HDAC9: variants seen among roughly 807,000 people sequenced by gnomAD.
HDAC9 encodes histone deacetylase 9.
A neutral mutation model predicts 139.4 loss-of-function variants in HDAC9; 41 were observed. The observed-to-expected ratio is 0.29, with a 90% CI of 0.23 to 0.38. The LOEUF (loss-of-function observed/expected upper bound fraction) is 0.38, where lower values mean the gene tolerates loss of function less well. HDAC9 is among the 10% of genes least tolerant of loss of function. The pLI is 1.00. For synonymous variants in HDAC9, 517 were observed against 476.2 expected (o/e 1.09, Z -1.12); for missense variants, 1,147 against 1,297.0 (o/e 0.88, Z 1.78).
intron 1 of HDAC9, among the ~76,000 whole-genome samples, chr7:18,146,034 T>C (rs1786295646): frequency 6.6e-6 from 1 of 152,108 alleles, no homozygotes; most frequent in East Asian, 1.9e-4. Context: ...AGAGTCTTCA[T>C]GCTGATTGGT....
intron 2 of HDAC9, among the ~76,000 whole-genome samples, chr7:18,189,952 C>T (rs987637971): frequency 3.4e-5 from 5 of 147,262 alleles, no homozygotes; most frequent in South Asian, 2.1e-4. Context: ...TGTGTGTGTA[C>T]GTTTGAGACA....
At chr7:18,982,699 G>A (rs973620831) in intron 25 of HDAC9, among the ~76,000 whole-genome samples, 1 of 152,068 alleles carries the variant, frequency 6.6e-6, no homozygotes, top group Admixed American at 6.6e-5. Flanking sequence ...ATGTTTGCCT[G>A]CTCTTGAATT....
At chr7:18,835,335 A>G (rs1796158153) in intron 19 of HDAC9, 132 bp from the exon 20 acceptor site, 4 of 995,894 alleles carry the variant, frequency 4.0e-6, no homozygotes, top group Non-Finnish European at 5.7e-6. Flanking sequence ...GAGAAAGAAA[A>G]GAGGAACGTA....
intron 2 of HDAC9, among the ~76,000 whole-genome samples, chr7:18,577,146 G>A (rs1826226995): frequency 1.3e-5 from 2 of 152,110 alleles, no homozygotes; most frequent in Admixed American, 6.5e-5. Flanking sequence ...GATTTTGTAA[G>A]GGAATAAACT....
At chr7:18,994,292 T>TATTA (rs1205568198) in intron 25 of HDAC9, among the ~76,000 whole-genome samples, 2 of 152,348 alleles carry the variant, frequency 1.3e-5, no homozygotes, top group African/African-American at 4.8e-5. Context: ...TCTATAACTG[T>TATTA]ATTATTCACA....
At chr7:18,787,973 G>C (rs1413244708) in intron 16 of HDAC9, among the ~76,000 whole-genome samples, 1 of 152,168 alleles carries the variant, frequency 6.6e-6, no homozygotes, top group African/African-American at 2.4e-5. Flanking sequence ...TAGCCTCTCA[G>C]ATTCCTCTTT....
chr7:18,609,949 G>T (rs575157817), intron 6 of HDAC9, among the ~76,000 whole-genome samples: 1 of 152,092 alleles, frequency 6.6e-6, no homozygotes, highest in South Asian at 2.1e-4. Flanking sequence ...CCCTACAAAG[G>T]ACATGAACTC....
intron 2 of HDAC9, among the ~76,000 whole-genome samples, chr7:18,164,730 A>G (rs1323199164): frequency 6.6e-6 from 1 of 152,228 alleles, no homozygotes; most frequent in Non-Finnish European, 1.5e-5. Flanking sequence ...CATTCAGTCA[A>G]ACAATAAGTG....
chr7:18,430,322 G>A (rs186197426), intron 1 of HDAC9, among the ~76,000 whole-genome samples: 15 of 152,222 alleles, frequency 9.9e-5, no homozygotes, highest in East Asian at 7.7e-4. Flanking sequence ...CTCCTGGGCC[G>A]AAGTGATCCT....
At chr7:18,958,483 G>A (rs1783311885) in intron 24 of HDAC9, among the ~76,000 whole-genome samples, 1 of 152,150 alleles carries the variant, frequency 6.6e-6, no homozygotes, top group Non-Finnish European at 1.5e-5. Flanking sequence ...ATCAGTGGAT[G>A]AGTGGGCAAA....
chr7:18,805,250 G>T (rs1253658722), intron 17 of HDAC9, among the ~76,000 whole-genome samples: 2 of 152,184 alleles, frequency 1.3e-5, no homozygotes, highest in South Asian at 2.1e-4. Flanking sequence ...TAGCTTTTCA[G>T]TCTTTAACTT....
intron 25 of HDAC9, among the ~76,000 whole-genome samples, chr7:18,990,969 G>T (rs374357932): frequency 2.0e-5 from 3 of 152,324 alleles, no homozygotes; most frequent in Non-Finnish European, 4.4e-5. Flanking sequence ...AGATGAACCC[G>T]GTACCTCAGA....
intron 2 of HDAC9, among the ~76,000 whole-genome samples, chr7:18,264,448 A>G (rs1179953295): frequency 6.6e-6 from 1 of 152,190 alleles, no homozygotes; most frequent in African/African-American, 2.4e-5. Context: ...AGCAGGGTAA[A>G]CATACATGTA....
At chr7:18,396,336 C>T (rs1787056222) in intron 1 of HDAC9, among the ~76,000 whole-genome samples, 1 of 152,022 alleles carries the variant, frequency 6.6e-6, no homozygotes, top group Non-Finnish European at 1.5e-5. Context: ...AAGATGATTA[C>T]AGAAATGAAA....
intron 2 of HDAC9, among the ~76,000 whole-genome samples, chr7:18,584,351 A>G (rs1828802295): frequency 6.6e-6 from 1 of 151,682 alleles, no homozygotes; most frequent in African/African-American, 2.4e-5. Flanking sequence ...GATGGTCTCG[A>G]TCTCCTGACC....
intron 1 of HDAC9, among the ~76,000 whole-genome samples, chr7:18,157,168 G>C (rs1027852400): frequency 6.6e-6 from 1 of 152,184 alleles, no homozygotes; most frequent in Non-Finnish European, 1.5e-5. Context: ...GCATGGACAC[G>C]CGAATGATAC....
At chr7:18,558,983 G>A (rs757001817) in intron 2 of HDAC9, among the ~76,000 whole-genome samples, 7 of 152,132 alleles carry the variant, frequency 4.6e-5, no homozygotes, top group Non-Finnish European at 7.4e-5. Flanking sequence ...GGTAAGGCAG[G>A]GAAATGCCTT....
intron 11 of HDAC9, among the ~76,000 whole-genome samples, chr7:18,656,072 G>A: frequency 6.8e-6 from 1 of 147,878 alleles, no homozygotes; most frequent in East Asian, 2.0e-4. Context: ...GCATATTTTG[G>A]TAGCTTGCAA....
intron 16 of HDAC9, among the ~76,000 whole-genome samples, chr7:18,776,444 T>C (rs1190404074): frequency 6.6e-6 from 1 of 152,134 alleles, no homozygotes; most frequent in Non-Finnish European, 1.5e-5. Flanking sequence ...AATTTATTTA[T>C]ACAGCAAATG....
Sources: allele counts gnomAD v4.1 joint callset (sites outside exome capture counted in the v4.1 genomes callset), GRCh38; gene constraint gnomAD v4.1.1; transcripts MANE v1.5; gene names NCBI Gene and HGNC (gene_info 2026-07-23, HGNC 2026-07-21).